The following CPA6 variants were observed in gnomAD, a reference collection of about 807,000 sequenced individuals.
The protein encoded by CPA6 is carboxypeptidase B.
A neutral mutation model predicts 63.3 loss-of-function variants in CPA6; 58 were observed. That is an observed-to-expected ratio of 0.92 (90% CI 0.74 to 1.14). CPA6 has a LOEUF of 1.14. CPA6 is among the 50% of genes most tolerant of loss of function. The probability of loss-of-function intolerance (pLI) is 0.00; values close to 1 mark genes in which losing one functional copy is unlikely to be tolerated. For missense variants in CPA6, 565 were observed against 526.6 expected (o/e 1.07, Z -0.71); for synonymous variants, 185 against 179.0 (o/e 1.03, Z -0.27).
chr8:67,514,726 G>C (rs1220517928), intron 3 of CPA6, among the ~76,000 whole-genome samples: 1 of 152,062 alleles, frequency 6.6e-6, no homozygotes, highest in African/African-American at 2.4e-5. Flanking sequence ...TAAACTAACC[G>C]GTATATTCTT....
rs575660777 is a variant in CPA6 at position 67,580,694 on chromosome 8, C to T, written c.192+43482G>A. On this transcript the variant is annotated intron_variant, in intron 2 of 10. Transcript: ENST00000297770. ...TGTCCTTCAAGCATGAATTAATTAG[C>T]ACCTTGTGGTTACCATGCCAGCCTG... Among the ~76,000 whole-genome samples the T allele has an allele frequency of 1.1e-4, 17 of 152,250 alleles. No individual in the cohort carries two copies. The East Asian group carries it at 3.1e-3, about 28-fold the overall frequency.
chr8:67,447,546 CATA>C (rs1398343934), intron 8 of CPA6, among the ~76,000 whole-genome samples: 8,848 of 138,664 alleles, frequency 0.064, 585 homozygotes, highest in African/African-American at 0.21. Flanking sequence ...CACACACACA[CATA>C]CACATTTTAA....
intron 6 of CPA6, among the ~76,000 whole-genome samples, chr8:67,503,559 C>T (rs112052501): frequency 0.077 from 11,590 of 150,830 alleles, 1,089 homozygotes; most frequent in African/African-American, 0.22. Flanking sequence ...CCTCCTGCCT[C>T]GGCCTCCCGA....
chr8:67,581,252 A>G (rs751745654), intron 2 of CPA6, among the ~76,000 whole-genome samples: 2 of 152,188 alleles, frequency 1.3e-5, no homozygotes, highest in Non-Finnish European at 2.9e-5. Context: ...GTACATGCTT[A>G]TATGCATGTG....
At position 67,434,142 on chromosome 8, in the gene CPA6, G is replaced by A. The variant is rs768598882; in HGVS notation, c.937C>T (p.His313Tyr). Residue 313 changes from histidine to tyrosine, a missense_variant, in exon 9 of 11, where the codon CAC (histidine) becomes TAC (tyrosine). Transcript: ENST00000297770. ...AGATAAGCCCTAATGTGCTTTCTGT[G>A]TTTTCGAAGGAAGTTAGCTACAGCC... ...VKAVANFLRK[H>Y]RKHIRAYLSF... 2 of 1,614,068 alleles carry A rather than the reference G, an allele frequency of 1.2e-6. No individual in the cohort carries two copies. Among genetic ancestry groups the A allele is most frequent in the Admixed American group, 1.7e-5 (1 of 60,016 alleles).
intron 2 of CPA6, among the ~76,000 whole-genome samples, chr8:67,620,549 A>C (rs1815055922): frequency 6.6e-6 from 1 of 152,226 alleles, no homozygotes; most frequent in South Asian, 2.1e-4. Flanking sequence ...AGAAGCTGTT[A>C]GCAATGCCCA....
intron 2 of CPA6, among the ~76,000 whole-genome samples, chr8:67,550,448 G>A (rs900628094): frequency 2.6e-5 from 4 of 152,222 alleles, no homozygotes; most frequent in East Asian, 1.9e-4. Flanking sequence ...CACCATTGAC[G>A]GGCATCTATG....
intron 1 of CPA6, among the ~76,000 whole-genome samples, chr8:67,653,697 A>G (rs1394387582): frequency 6.6e-6 from 1 of 152,152 alleles, no homozygotes; most frequent in East Asian, 1.9e-4. Flanking sequence ...AACATGGACA[A>G]TTTGACTTCC....
At chr8:67,606,536 C>A in intron 2 of CPA6, among the ~76,000 whole-genome samples, 1 of 152,102 alleles carries the variant, frequency 6.6e-6, no homozygotes, top group Admixed American at 6.5e-5. Context: ...CCCCCTGCAG[C>A]CTCCCTTTTA....
intron 2 of CPA6, among the ~76,000 whole-genome samples, chr8:67,598,695 T>C: frequency 6.6e-6 from 1 of 152,168 alleles, no homozygotes; most frequent in South Asian, 2.1e-4. Context: ...TTTTGATGTT[T>C]GGGATTCTTG....
chr8:67,698,964 G>T (rs1816964073), intron 1 of CPA6, among the ~76,000 whole-genome samples: 1 of 152,194 alleles, frequency 6.6e-6, no homozygotes, highest in Non-Finnish European at 1.5e-5. Flanking sequence ...CACTTGGCAG[G>T]CCACTCTGCA....
intron 6 of CPA6, among the ~76,000 whole-genome samples, chr8:67,485,460 G>A (rs1002522890): frequency 6.6e-6 from 1 of 152,124 alleles, no homozygotes; most frequent in African/African-American, 2.4e-5. Flanking sequence ...ATGATATTGT[G>A]TGTATGCGTT....
intron 4 of CPA6, among the ~76,000 whole-genome samples, chr8:67,511,051 A>G (rs1563981347): frequency 6.6e-6 from 1 of 152,094 alleles, no homozygotes; most frequent in Non-Finnish European, 1.5e-5. Flanking sequence ...GACAGTGTGG[A>G]TGAGGTGGCT....
chr8:67,448,074 T>G (rs1810470184), intron 8 of CPA6, among the ~76,000 whole-genome samples: 3 of 152,222 alleles, frequency 2.0e-5, no homozygotes, highest in Admixed American at 2.0e-4. Flanking sequence ...TGTGAGCCAC[T>G]GTGCCTGGCC....
intron 1 of CPA6, among the ~76,000 whole-genome samples, chr8:67,737,428 T>C (rs1221584993): frequency 6.6e-6 from 1 of 152,174 alleles, no homozygotes; most frequent in African/African-American, 2.4e-5. Flanking sequence ...GCATATTTAA[T>C]AAACCACTCA....
intron 1 of CPA6, among the ~76,000 whole-genome samples, chr8:67,716,151 C>CAAAAA (rs56275918): frequency 6.5e-5 from 5 of 76,546 alleles, no homozygotes; most frequent in African/African-American, 2.7e-4. Flanking sequence ...GAGCTTGTCT[C>CAAAAA]AAAAAAAAAA....
At position 67,723,904 on chromosome 8, in the gene CPA6, G is replaced by A. The variant is rs548493386; in HGVS notation, c.116+22110C>T. Among the ~76,000 whole-genome samples the A allele has an allele frequency of 5.3e-5, 8 of 152,142 alleles. No individual in the cohort carries two copies. In the South Asian group the frequency reaches 1.7e-3, roughly 32 times the overall value. ...CCACAAAGAAAGAAAAACTAATGGT[G>A]GATTTGAATTATAACCATTAAGATG... On this transcript the variant is annotated intron_variant, in intron 1 of 10. Coordinates refer to ENST00000297770, the MANE Select transcript of CPA6 (RefSeq NM_020361.5).
chr8:67,738,397 G>A (rs1344556662), intron 1 of CPA6, among the ~76,000 whole-genome samples: 3 of 152,168 alleles, frequency 2.0e-5, no homozygotes, highest in African/African-American at 7.2e-5. Context: ...GTTGAGCATG[G>A]CAGAGCTGCA....
intron 6 of CPA6, among the ~76,000 whole-genome samples, chr8:67,496,758 A>T (rs988084696): frequency 6.6e-6 from 1 of 151,614 alleles, no homozygotes; most frequent in African/African-American, 2.4e-5. Context: ...ATGGGGTTTC[A>T]CCATGTTGGC....
Sources: allele counts gnomAD v4.1 joint callset (sites outside exome capture counted in the v4.1 genomes callset), GRCh38; gene constraint gnomAD v4.1.1; transcripts MANE v1.5; gene names NCBI Gene and HGNC (gene_info 2026-07-23, HGNC 2026-07-21).